Variants in CRIM1 observed in about 807,000 individuals in gnomAD.
The protein encoded by CRIM1 is cysteine-rich motor neuron 1 protein.
CRIM1 carries 32 observed loss-of-function variants against 116.4 expected under a neutral mutation model. That is an observed-to-expected ratio of 0.27 (90% CI 0.21 to 0.37). CRIM1 has a LOEUF of 0.37. Ranked by LOEUF, CRIM1 falls within the 10% of genes least tolerant of loss-of-function variation. The pLI is 1.00. For synonymous variants in CRIM1, 590 were observed against 509.2 expected (o/e 1.16, Z -2.13); for missense variants, 1,331 against 1,354.8 (o/e 0.98, Z 0.28).
chr2:36,439,884 G>T (rs1572734046), intron 2 of CRIM1, among the ~76,000 whole-genome samples: 1 of 152,094 alleles, frequency 6.6e-6, no homozygotes, highest in South Asian at 2.1e-4. Context: ...AACTAACAAG[G>T]TCAGGAACCT....
At chr2:36,488,910 T>C (rs912868386) in intron 7 of CRIM1, among the ~76,000 whole-genome samples, 1 of 152,206 alleles carries the variant, frequency 6.6e-6, no homozygotes, top group Non-Finnish European at 1.5e-5. Flanking sequence ...ACTTTCACAT[T>C]GGCTGCCGGA....
At chr2:36,444,107 T>C (rs1572744447) in intron 4 of CRIM1, among the ~76,000 whole-genome samples, 1 of 152,256 alleles carries the variant, frequency 6.6e-6, no homozygotes, top group South Asian at 2.1e-4. Flanking sequence ...GTACATTATA[T>C]TGGAGAACCT....
At chr2:36,453,178 G>A (rs1189962199) in intron 4 of CRIM1, among the ~76,000 whole-genome samples, 1 of 152,228 alleles carries the variant, frequency 6.6e-6, no homozygotes, top group Non-Finnish European at 1.5e-5. Flanking sequence ...ACAGTTTGCA[G>A]ATAATTCAGG....
intron 2 of CRIM1, among the ~76,000 whole-genome samples, chr2:36,423,728 G>C (rs549307008): frequency 6.6e-5 from 10 of 152,256 alleles, no homozygotes; most frequent in African/African-American, 1.9e-4. Flanking sequence ...TTTATAAAAA[G>C]ATCCCAGAAT....
At chr2:36,413,941 A>AT (rs1455337462) in intron 2 of CRIM1, among the ~76,000 whole-genome samples, 1 of 152,170 alleles carries the variant, frequency 6.6e-6, no homozygotes, top group African/African-American at 2.4e-5. Context: ...GTGAGATCCG[A>AT]TTTTCCATTA....
chr2:36,380,041 T>G (rs1670622612), intron 1 of CRIM1, among the ~76,000 whole-genome samples: 1 of 152,178 alleles, frequency 6.6e-6, no homozygotes, highest in African/African-American at 2.4e-5. Flanking sequence ...ATATGCTTCT[T>G]ATGACTCTGA....
chr2:36,457,827 T>C (rs1375572765), intron 4 of CRIM1, among the ~76,000 whole-genome samples: 2 of 152,192 alleles, frequency 1.3e-5, no homozygotes, highest in African/African-American at 4.8e-5. Context: ...GTACATCGAA[T>C]TTAATTAAAG....
rs956930620 is a variant in CRIM1 at position 36,549,513 on chromosome 2, G to A, written c.*812G>A. The A allele has an allele frequency of 2.6e-5, 4 of 151,912 alleles. No homozygotes were observed. Among genetic ancestry groups the A allele is most frequent in the African/African-American group, 9.7e-5 (4 of 41,270 alleles). 9.4% of individuals were successfully genotyped at this position (151,912 alleles called of 1,614,324 possible). A position where few individuals can be genotyped will look rare whatever the true frequency, so the allele number is the denominator to read the frequency against. ...AACGTGACAGGAAGAGGAGGGAGAG[G>A]GTGACGAACACCAGGCATTTCCAGG... On this transcript the variant is annotated 3_prime_UTR_variant, in exon 17 of 17. Coordinates refer to ENST00000280527, the MANE Select transcript of CRIM1 (RefSeq NM_016441.3).
intron 12 of CRIM1, 67 bp from the exon 13 acceptor site, chr2:36,522,025 C>A: frequency 7.4e-7 from 1 of 1,355,418 alleles, no homozygotes; most frequent in Non-Finnish European, 1.1e-6. Flanking sequence ...TGCTTTGAAA[C>A]ACACTATGTT....
intron 12 of CRIM1, among the ~76,000 whole-genome samples, chr2:36,521,383 T>C (rs567954497): frequency 6.6e-6 from 1 of 152,342 alleles, no homozygotes; most frequent in South Asian, 2.1e-4. Context: ...TTTTTGGTAG[T>C]CTGGTACAAT....
chr2:36,379,740 CTCTT>C (rs1249592973), intron 1 of CRIM1, among the ~76,000 whole-genome samples: 10 of 97,476 alleles, frequency 1.0e-4, no homozygotes, highest in Non-Finnish European at 1.5e-4. Flanking sequence ...CTTTCTTTCT[CTCTT>C]TTTTTTTTTT....
chr2:36,393,561 T>TA (rs1671785342), intron 1 of CRIM1, among the ~76,000 whole-genome samples: 1 of 152,098 alleles, frequency 6.6e-6, no homozygotes, highest in African/African-American at 2.4e-5. Flanking sequence ...ACCGGGGAAT[T>TA]ATGGCTTACA....
rs1024042654 is a variant in CRIM1, at chr2:36,356,928, G to A, written c.331+305G>A. ...GTTCCTGCTGGGACTGGGTGGCCCG[G>A]CCTTGCTCCCCGAGGTGGGGGCGCC... is the stretch of plus-strand genomic sequence containing the variant. On this transcript the variant is annotated intron_variant, in intron 1 of 16. Coordinates refer to ENST00000280527, the MANE Select transcript of CRIM1 (RefSeq NM_016441.3). The surrounding 1 kb of genome is among the most constrained non-coding windows in gnomAD (Gnocchi z 4.3). Among the ~76,000 whole-genome samples, 2 of 152,128 alleles carry A rather than the reference G, an allele frequency of 1.3e-5. No individual in the cohort carries two copies. The highest frequency in any genetic ancestry group is 2.9e-5 in the Non-Finnish European group (2 of 68,018).
intron 4 of CRIM1, among the ~76,000 whole-genome samples, chr2:36,456,107 G>A (rs1677111310): frequency 6.6e-6 from 1 of 152,102 alleles, no homozygotes; most frequent in African/African-American, 2.4e-5. Flanking sequence ...TTTTCAAGTA[G>A]AAGGTTAGTC....
At chr2:36,454,591 T>C (rs897683271) in intron 4 of CRIM1, among the ~76,000 whole-genome samples, 1 of 152,138 alleles carries the variant, frequency 6.6e-6, no homozygotes, top group Non-Finnish European at 1.5e-5. Context: ...TGAATCACAG[T>C]TTGCAGTTAG....
intron 1 of CRIM1, among the ~76,000 whole-genome samples, chr2:36,386,367 A>G (rs182132788): frequency 2.0e-5 from 3 of 152,334 alleles, no homozygotes; most frequent in Admixed American, 2.0e-4. Flanking sequence ...CATGTCATAA[A>G]TATTGATTTG....
chr2:36,423,714 A>G (rs1674244003), intron 2 of CRIM1, among the ~76,000 whole-genome samples: 1 of 152,200 alleles, frequency 6.6e-6, no homozygotes, highest in African/African-American at 2.4e-5. Context: ...ACTGGGTTCC[A>G]TGATTTATAA....
intron 4 of CRIM1, among the ~76,000 whole-genome samples, chr2:36,464,114 C>T (rs1677801796): frequency 6.6e-6 from 1 of 152,130 alleles, no homozygotes; most frequent in Non-Finnish European, 1.5e-5. Flanking sequence ...AGCAAAGGAG[C>T]AACATGAGGC....
intron 4 of CRIM1, among the ~76,000 whole-genome samples, chr2:36,456,649 G>T (rs539680449): frequency 1.3e-5 from 2 of 152,168 alleles, no homozygotes; most frequent in African/African-American, 4.8e-5. Context: ...GCCAGCTCTC[G>T]ATGTGTGATA....
Sources: allele counts gnomAD v4.1 joint callset (sites outside exome capture counted in the v4.1 genomes callset), GRCh38; gene constraint gnomAD v4.1.1; non-coding constraint Gnocchi (gnomAD v3.1); transcripts MANE v1.5; gene names NCBI Gene and HGNC (gene_info 2026-07-23, HGNC 2026-07-21).